Variants in CCDC83 observed in about 807,000 individuals in gnomAD.
The protein encoded by CCDC83 is coiled-coil domain containing 83.
In CCDC83, 54 loss-of-function variants were observed where a neutral mutation model predicts 50.1. The observed-to-expected ratio is 1.08, with a 90% CI of 0.87 to 1.35. CCDC83 has a LOEUF of 1.35. Among genes scored for constraint, CCDC83 ranks in the 40% most tolerant of loss-of-function variants. CCDC83 has a pLI of 0.00. For synonymous variants in CCDC83, 161 were observed against 153.3 expected, an observed-to-expected ratio of 1.05 and a Z score of -0.37; for missense variants, 518 against 473.9, an observed-to-expected ratio of 1.09 and a Z score of -0.86.
chr11:85,912,585 G>A (rs1230319278), intron 8 of CCDC83: 2 of 919,276 alleles, frequency 2.2e-6, no homozygotes, highest in Non-Finnish European at 3.7e-6. Context: ...GCCCCTAGGG[G>A]TAGGTGCTCA....
At chr11:85,869,415 T>C (rs1440270971) in intron 2 of CCDC83, among the ~76,000 whole-genome samples, 1 of 152,194 alleles carries the variant, frequency 6.6e-6, no homozygotes, top group African/African-American at 2.4e-5. Flanking sequence ...GATAGAGATA[T>C]AAAAACATGT....
intron 2 of CCDC83, among the ~76,000 whole-genome samples, chr11:85,866,095 T>C (rs1041273000): frequency 6.6e-6 from 1 of 152,176 alleles, no homozygotes; most frequent in Non-Finnish European, 1.5e-5. Context: ...ATGGGTAACA[T>C]TTATTCCATA....
At chr11:85,897,579 T>C (rs1000497051) in intron 6 of CCDC83, among the ~76,000 whole-genome samples, 2 of 152,114 alleles carry the variant, frequency 1.3e-5, no homozygotes, top group African/African-American at 4.8e-5. Context: ...CCCTGGGATG[T>C]TGTGTGGGCT....
intron 10 of CCDC83, 110 bp downstream of exon 10, chr11:85,916,343 C>G: frequency 1.2e-6 from 1 of 851,474 alleles, no homozygotes; most frequent in South Asian, 1.5e-5. Flanking sequence ...ATTCCATTTG[C>G]AATTATTAGT....
intron 7 of CCDC83, among the ~76,000 whole-genome samples, chr11:85,907,845 C>T (rs954586344): frequency 2.0e-5 from 3 of 152,150 alleles, no homozygotes; most frequent in Admixed American, 6.5e-5. Flanking sequence ...TCCCAGCTTT[C>T]GAAAGAGACC....
chr11:85,883,791 C>A lies in CCDC83; in HGVS notation c.343+1116C>A, dbSNP rs555394550. On this transcript the variant is annotated intron_variant, in intron 4 of 10. Transcript: ENST00000342404. ...TGCCTACTTAGCTGAGCACTTTGCA[C>A]ACAGCAGGCTCTCCACTCAATAGAT... Among the ~76,000 whole-genome samples, 65 of 152,294 alleles carry A rather than the reference C, an allele frequency of 4.3e-4. 1 individual carries two copies. The South Asian group carries it at 5.4e-3, about 13-fold the overall frequency.
chr11:85,904,899 A>G (rs1247275878), intron 7 of CCDC83, among the ~76,000 whole-genome samples: 1 of 152,148 alleles, frequency 6.6e-6, no homozygotes, highest in Non-Finnish European at 1.5e-5. Flanking sequence ...ATGATAACTG[A>G]CAATTATCTT....
chr11:85,901,997 C>G (rs567401323), intron 7 of CCDC83, among the ~76,000 whole-genome samples: 1 of 152,088 alleles, frequency 6.6e-6, no homozygotes, highest in South Asian at 2.1e-4. Flanking sequence ...CACCATTGCA[C>G]TCCTGCCTGG....
chr11:85,904,384 A>G (rs2093415958), intron 7 of CCDC83, among the ~76,000 whole-genome samples: 1 of 152,148 alleles, frequency 6.6e-6, no homozygotes, highest in South Asian at 2.1e-4. Context: ...TCTGTTTCTT[A>G]GTAGCCTGTT....
In CCDC83 at chr11:85,873,269, A is replaced by G. The variant is rs779732713; in HGVS notation, c.154A>G (p.Lys52Glu). Residue 52 changes from lysine to glutamate, a missense_variant, in exon 3 of 11, where the codon AAA becomes GAA. By Grantham distance (56) the Lys-to-Glu change is moderately conservative. Transcript: ENST00000342404. ...QFMFQIKTLR[K>E]KNQKYHERNS... ...CATGTTTCAAATAAAGACACTTAGG[A>G]AAAAGAACCAAAAATATCATGAAAG... 1.3e-6 allele frequency: 2 copies of G among 1,517,096 alleles called. No individual in the cohort carries two copies. The highest frequency in any genetic ancestry group is 1.8e-6 in the Non-Finnish European group (2 of 1,112,254). 94.0% of individuals were successfully genotyped at this position (1,517,096 alleles called of 1,614,324 possible). A position where few individuals can be genotyped will look rare whatever the true frequency, so the allele number is the denominator to read the frequency against.
chr11:85,863,860 A>C (rs940634075), intron 1 of CCDC83, among the ~76,000 whole-genome samples: 1 of 152,252 alleles, frequency 6.6e-6, no homozygotes, highest in African/African-American at 2.4e-5. Flanking sequence ...ACTGAAGGGA[A>C]AGAGGAAGGG....
chr11:85,882,410 C>T, intron 3 of CCDC83, 103 bp from the exon 4 acceptor site: 1 of 1,095,496 alleles, frequency 9.1e-7, no homozygotes, highest in Non-Finnish European at 1.3e-6. Context: ...TTCCCACTTG[C>T]CTTCCTGTGA....
intron 2 of CCDC83, 59 bp downstream of exon 2, chr11:85,865,277 A>G (rs2093200577): frequency 9.9e-7 from 1 of 1,012,190 alleles, no homozygotes; most frequent in Admixed American, 1.8e-5. Flanking sequence ...CATTGTTAAG[A>G]CTCATATAAC....
intron 1 of CCDC83, among the ~76,000 whole-genome samples, chr11:85,856,077 GTGCCATGTTGT>G (rs1041108282): frequency 4.0e-5 from 6 of 151,384 alleles, no homozygotes; most frequent in African/African-American, 1.5e-4. Flanking sequence ...CATTTGTACA[GTGCCATGTTGT>G]TGCCTCACTC....
At chr11:85,881,084 T>G (rs545457494) in intron 3 of CCDC83, among the ~76,000 whole-genome samples, 14 of 152,090 alleles carry the variant, frequency 9.2e-5, no homozygotes, top group Non-Finnish European at 1.8e-4. Context: ...GTTTCAGATT[T>G]TAGGCTGGGC....
intron 3 of CCDC83, among the ~76,000 whole-genome samples, chr11:85,878,148 A>G (rs35203758): frequency 1.3e-5 from 2 of 152,180 alleles, no homozygotes; most frequent in Non-Finnish European, 2.9e-5. Context: ...ACTTATAGTT[A>G]TAAAAATGAT....
chr11:85,869,710 T>C (rs1248488680), intron 2 of CCDC83, among the ~76,000 whole-genome samples: 1 of 152,212 alleles, frequency 6.6e-6, no homozygotes, highest in Non-Finnish European at 1.5e-5. Context: ...TAGTGTGACA[T>C]GTCAGATTCT....
chr11:85,918,668 A>C (rs1005804310), intron 10 of CCDC83, among the ~76,000 whole-genome samples: 23 of 152,304 alleles, frequency 1.5e-4, no homozygotes, highest in East Asian at 1.9e-4. Context: ...GAGAAAAAAA[A>C]CCCACAAAAT....
intron 2 of CCDC83, among the ~76,000 whole-genome samples, chr11:85,866,955 T>C (rs2153682640): frequency 6.6e-6 from 1 of 152,214 alleles, no homozygotes; most frequent in South Asian, 2.1e-4. Flanking sequence ...GCTGGTGATT[T>C]AGGCAAGGGT....
Sources: allele counts gnomAD v4.1 joint callset (sites outside exome capture counted in the v4.1 genomes callset), GRCh38; gene constraint gnomAD v4.1.1; transcripts MANE v1.5; gene names NCBI Gene and HGNC (gene_info 2026-07-23, HGNC 2026-07-21).